The following KIAA1549 variants were observed in gnomAD, a reference collection of about 807,000 sequenced individuals.
KIAA1549 encodes UPF0606 protein KIAA1549.
KIAA1549 carries 70 observed loss-of-function variants against 156.4 expected under a neutral mutation model. The observed-to-expected ratio is 0.45, with a 90% CI of 0.37 to 0.55. The LOEUF (loss-of-function observed/expected upper bound fraction) is 0.55. Ranked by LOEUF, KIAA1549 falls within the 20% of genes least tolerant of loss-of-function variation. The pLI is 0.00. For missense variants in KIAA1549, 2,428 were observed against 2,540.9 expected (o/e 0.96, Z 0.96); for synonymous variants, 1,103 against 1,066.4 (o/e 1.03, Z -0.67).
chr7:138,869,947 T>G (rs989162179), intron 13 of KIAA1549, among the ~76,000 whole-genome samples, 186 bp from the exon 14 acceptor site: 4 of 152,114 alleles, frequency 2.6e-5, no homozygotes, highest in African/African-American at 9.7e-5. Context: ...CTTCCCGGGT[T>G]CAAGTGATTC....
chr7:138,956,563 A>G (rs1813671741), intron 1 of KIAA1549, among the ~76,000 whole-genome samples: 1 of 152,118 alleles, frequency 6.6e-6, no homozygotes, highest in Admixed American at 6.5e-5. Flanking sequence ...TGATGGTTTT[A>G]TAAGGGGAAA....
intron 1 of KIAA1549, among the ~76,000 whole-genome samples, chr7:138,960,850 A>C (rs566580752): frequency 6.6e-6 from 1 of 152,356 alleles, no homozygotes; most frequent in East Asian, 1.9e-4. Context: ...TTTTCCAAAG[A>C]GATCAAACTA....
intron 8 of KIAA1549, among the ~76,000 whole-genome samples, chr7:138,903,225 T>C (rs1811893524): frequency 6.6e-6 from 1 of 152,194 alleles, no homozygotes; most frequent in Non-Finnish European, 1.5e-5. Context: ...GCTATGATGC[T>C]ATCAATAACA....
chr7:138,904,957 C>T (rs893568186), intron 7 of KIAA1549, 65 bp downstream of exon 7: 1 of 973,074 alleles, frequency 1.0e-6, no homozygotes. Context: ...CAGCATCATT[C>T]TCAATACGCC....
At chr7:138,860,898 T>C (rs932655301) in intron 16 of KIAA1549, among the ~76,000 whole-genome samples, 1 of 152,132 alleles carries the variant, frequency 6.6e-6, no homozygotes. Flanking sequence ...AAAGCAAAAG[T>C]CCTCCTGCCT....
chr7:138,953,421 A>G (rs1367921557), intron 1 of KIAA1549, among the ~76,000 whole-genome samples: 2 of 152,212 alleles, frequency 1.3e-5, no homozygotes, highest in Non-Finnish European at 2.9e-5. Flanking sequence ...TTTAAGCACA[A>G]TAATAATAGG....
At chr7:138,912,173 TG>T (rs1487136464) in intron 3 of KIAA1549, among the ~76,000 whole-genome samples, 198 bp downstream of exon 3, 1 of 152,188 alleles carries the variant, frequency 6.6e-6, no homozygotes, top group Non-Finnish European at 1.5e-5. Flanking sequence ...TGACCTCATG[TG>T]GGATCAGGAA....
rs140043575 is a variant in KIAA1549 at position 138,918,471 on chromosome 7, G to A, written c.1155C>T (p.Ser385=). The change falls in exon 2 of 20, where the codon AGC becomes AGT. Residue 385 remains serine, a synonymous_variant. Coordinates refer to ENST00000422774, the MANE Select transcript of KIAA1549 (RefSeq NM_001164665.2). The surrounding 1 kb of genome is among the most constrained non-coding windows in gnomAD (Gnocchi z 4.2). ...GCAATTCGGATGTTTTGCTGGAGTC[G>A]CTAGGGAGAAAGGGGTTAGATGAAA... The part of the protein sequence containing the change: ...TDVSSNPFLP[S]DSSKTSELHS... The A allele has an allele frequency of 2.7e-4, 434 of 1,613,988 alleles. 2 individuals are homozygous for A. In the African/African-American group the frequency reaches 4.7e-3, roughly 17 times the overall value.
At chr7:138,871,055 G>A (rs746834759) in intron 13 of KIAA1549, 102 bp downstream of exon 13, 33 of 1,084,720 alleles carry the variant, frequency 3.0e-5, no homozygotes, top group African/African-American at 8.0e-5. Flanking sequence ...GACCTCAGGC[G>A]ATCTGCCTGC....
At chr7:138,965,205 G>A (rs992819795) in intron 1 of KIAA1549, among the ~76,000 whole-genome samples, 2 of 152,262 alleles carry the variant, frequency 1.3e-5, no homozygotes, top group South Asian at 4.2e-4. Flanking sequence ...GGAGTCAACT[G>A]TGTCGATCGT....
intron 1 of KIAA1549, among the ~76,000 whole-genome samples, chr7:138,919,673 T>C (rs990607637): frequency 3.9e-5 from 6 of 152,100 alleles, no homozygotes; most frequent in African/African-American, 1.2e-4. Context: ...AAGCTGTGTA[T>C]GTGTGGGGGT....
intron 1 of KIAA1549, among the ~76,000 whole-genome samples, chr7:138,961,219 T>C (rs1260163045): frequency 2.6e-5 from 4 of 152,148 alleles, no homozygotes; most frequent in Admixed American, 2.6e-4. Flanking sequence ...AGACTTGAAG[T>C]TTGGCACTTG....
At chr7:138,838,643 G>A (rs542983294) in intron 19 of KIAA1549, among the ~76,000 whole-genome samples, 1 of 152,236 alleles carries the variant, frequency 6.6e-6, no homozygotes, top group African/African-American at 2.4e-5. Flanking sequence ...AGTTTCACAA[G>A]AATTATTACA....
chr7:138,881,247 GAC>G (rs751818146), intron 11 of KIAA1549, 139 bp downstream of exon 11: 52 of 761,578 alleles, frequency 6.8e-5, no homozygotes, highest in Non-Finnish European at 1.0e-4. Context: ...GCTCCTGTGT[GAC>G]TTTGGGCAAG....
intron 16 of KIAA1549, among the ~76,000 whole-genome samples, chr7:138,858,734 G>A (rs1218692232): frequency 1.3e-5 from 2 of 152,082 alleles, no homozygotes; most frequent in Non-Finnish European, 2.9e-5. Flanking sequence ...CTTAGAAATG[G>A]TGGCCTAAAA....
chr7:138,916,742 C>T lies in KIAA1549; in HGVS notation c.2878+6G>A. ...CCCAGAGAGGCGGCAGGAAGCTGGG[C>T]CTTACCAGTTGTGATCAGATAGGCA... On this transcript the variant is annotated splice_donor_region_variant and intron_variant, in intron 2 of 19. Coordinates refer to ENST00000422774, the MANE Select transcript of KIAA1549 (RefSeq NM_001164665.2). 6.2e-7 allele frequency: 1 copy of T among 1,613,534 alleles called. No homozygotes were observed. The highest frequency in any genetic ancestry group is 8.5e-7 in the Non-Finnish European group (1 of 1,179,682).
intron 8 of KIAA1549, among the ~76,000 whole-genome samples, chr7:138,901,476 C>A (rs1811840174): frequency 6.6e-6 from 1 of 152,036 alleles, no homozygotes; most frequent in African/African-American, 2.4e-5. Flanking sequence ...CAGGCACACA[C>A]CACCATGCCC....
chr7:138,903,852 TGCGC>T lies in KIAA1549; in HGVS notation c.3521-120_3521-117del, dbSNP rs1169332653. On this transcript the variant is annotated intron_variant, in intron 7 of 19. Coordinates refer to ENST00000422774, the MANE Select transcript of KIAA1549 (RefSeq NM_001164665.2). ...GTGTGTGTGTGTGTGTGTGTGTGTGTGCGCGCGCGCGCGCGCGCACATATGTATT... is the reference window on the plus strand; with the variant it reads ...GTGTGTGTGTGTGTGTGTGTGTGTGTGCGCGCGCGCGCGCACATATGTATT... The T allele has an allele frequency of 2.8e-3, 801 of 286,966 alleles. 28 individuals are homozygous for T. Among genetic ancestry groups the T allele is most frequent in the Non-Finnish European group, 3.7e-3 (658 of 176,508 alleles). 17.8% of individuals were successfully genotyped at this position (286,966 alleles called of 1,614,324 possible). A position where few individuals can be genotyped will look rare whatever the true frequency, so the allele number is the denominator to read the frequency against.
Position 138,917,863 on chromosome 7 carries a change from A to G in KIAA1549, c.1763T>C (p.Val588Ala), listed in dbSNP as rs749161217. The G allele has an allele frequency of 1.9e-6, 3 of 1,604,666 alleles. No homozygotes were observed. The highest frequency in any genetic ancestry group is 2.6e-6 in the Non-Finnish European group (3 of 1,175,670). Reference protein sequence around the residue: ...TPSLAVRDPSVFTPYSLVPSV... With the variant: ...TPSLAVRDPSAFTPYSLVPSV... ...AGGAACCAGACTATAAGGCGTAAAA[A>G]CACTCGGGTCTCTGACGGCAAGCGA... is the stretch of plus-strand genomic sequence containing the variant. Residue 588 changes from valine to alanine, a missense_variant, in exon 2 of 20, where the codon GTT becomes GCT. Physicochemically the swap from Val to Ala is moderately conservative, Grantham distance 64. Around this residue, in one of 5 missense-constraint regions of KIAA1549, gnomAD observed 893 missense variants for 847.9 expected, o/e 1.05. Coordinates refer to ENST00000422774, the MANE Select transcript of KIAA1549 (RefSeq NM_001164665.2).
Sources: gnomAD v4.1 joint callset for allele counts (sites outside exome capture counted in the v4.1 genomes callset) on GRCh38, gnomAD v4.1.1 for gene constraint, gnomAD v4.1.1 regional missense constraint, Gnocchi (gnomAD v3.1) non-coding constraint, MANE v1.5 for transcripts, NCBI Gene and HGNC (gene_info 2026-07-23, HGNC 2026-07-21) for gene names.